The following EYS variants were observed in gnomAD, a reference collection of about 807,000 sequenced individuals.
EYS encodes the protein protein eyes shut homolog.
In EYS, 250 loss-of-function variants were observed where a neutral mutation model predicts 282.1. That is an observed-to-expected ratio of 0.89 (90% confidence interval 0.80 to 0.98). EYS has a LOEUF of 0.98. Among genes scored for constraint, EYS ranks in the 50% least tolerant of loss-of-function variants. EYS has a pLI of 0.00. For synonymous variants in EYS, 1,355 were observed against 1,282.9 expected (o/e 1.06, Z -1.20); for missense variants, 4,016 against 3,709.0 (o/e 1.08, Z -2.15).
At chr6:64,238,942 C>G (rs1218326587) in intron 30 of EYS, among the ~76,000 whole-genome samples, 1 of 152,084 alleles carries the variant, frequency 6.6e-6, no homozygotes, top group Non-Finnish European at 1.5e-5. Context: ...GTGATGTTCC[C>G]CTCCCTGTGT....
At chr6:63,867,741 A>G (rs905049954) in intron 35 of EYS, among the ~76,000 whole-genome samples, 1 of 152,206 alleles carries the variant, frequency 6.6e-6, no homozygotes. Flanking sequence ...GTGAACTGGC[A>G]CCAAAGGATT....
chr6:64,200,687 A>T (rs1765436501), intron 31 of EYS, among the ~76,000 whole-genome samples: 1 of 152,192 alleles, frequency 6.6e-6, no homozygotes, highest in Non-Finnish European at 1.5e-5. Flanking sequence ...ATCCTGATAA[A>T]GGCAATGGCT....
chr6:65,352,152 C>A (rs1764302391), intron 9 of EYS, among the ~76,000 whole-genome samples: 1 of 151,796 alleles, frequency 6.6e-6, no homozygotes, highest in Non-Finnish European at 1.5e-5. Context: ...AGGTTGTTAA[C>A]TCTACAGTAT....
intron 19 of EYS, among the ~76,000 whole-genome samples, chr6:64,841,464 G>T (rs1443112931): frequency 6.6e-6 from 1 of 152,060 alleles, no homozygotes; most frequent in Non-Finnish European, 1.5e-5. Flanking sequence ...ATCTTCTTGT[G>T]AATATCTCAG....
At chr6:64,669,024 T>C (rs9354020) in intron 22 of EYS, among the ~76,000 whole-genome samples, 6,460 of 152,148 alleles carry the variant, frequency 0.042, 321 homozygotes, top group African/African-American at 0.11. Flanking sequence ...CAATATTTCT[T>C]CTCTGAAGTA....
intron 26 of EYS, 74 bp downstream of exon 26, chr6:64,590,149 T>C (rs965968086): frequency 3.8e-6 from 5 of 1,330,364 alleles, no homozygotes; most frequent in Non-Finnish European, 5.1e-6. Context: ...CCGGTGACCA[T>C]GACAGGCTCT....
At chr6:64,038,503 T>G (rs1770229731) in intron 33 of EYS, among the ~76,000 whole-genome samples, 1 of 152,144 alleles carries the variant, frequency 6.6e-6, no homozygotes, top group Admixed American at 6.5e-5. Context: ...GCTGAGGTTT[T>G]GTCACTTTTA....
chr6:64,614,928 T>C (rs999108187), intron 24 of EYS, among the ~76,000 whole-genome samples: 1 of 152,138 alleles, frequency 6.6e-6, no homozygotes, highest in Non-Finnish European at 1.5e-5. Context: ...TCTGTGCTCT[T>C]AGGAATACTG....
chr6:65,007,332 T>C (rs748200989), intron 13 of EYS, among the ~76,000 whole-genome samples: 9 of 152,120 alleles, frequency 5.9e-5, no homozygotes, highest in Non-Finnish European at 1.0e-4. Flanking sequence ...CTAAGATGTA[T>C]TCTGGAGAAT....
At chr6:64,226,220 G>A (rs955790037) in intron 31 of EYS, among the ~76,000 whole-genome samples, 2 of 152,090 alleles carry the variant, frequency 1.3e-5, no homozygotes, top group Non-Finnish European at 2.9e-5. Context: ...TTATGGCAAA[G>A]CAAAGATATC....
intron 31 of EYS, among the ~76,000 whole-genome samples, chr6:64,185,063 T>C (rs1392108635): frequency 3.3e-5 from 5 of 152,194 alleles, no homozygotes; most frequent in East Asian, 3.9e-4. Context: ...ACTTCCACCA[T>C]GTGAGGTCAG....
intron 5 of EYS, among the ~76,000 whole-genome samples, chr6:65,421,201 T>C (rs1054291110): frequency 6.6e-6 from 1 of 151,872 alleles, no homozygotes; most frequent in African/African-American, 2.4e-5. Flanking sequence ...TTTTTTCACA[T>C]TGAAAATATG....
intron 36 of EYS, among the ~76,000 whole-genome samples, chr6:63,835,324 AT>A (rs1198131666): frequency 6.6e-6 from 1 of 151,262 alleles, no homozygotes; most frequent in Admixed American, 6.6e-5. Flanking sequence ...ATATATACAT[AT>A]ATACTCTCTC....
At position 65,222,785 on chromosome 6, in the gene EYS, G is replaced by C. The variant is rs73741274; in HGVS notation, c.2023+73078C>G. 4.8e-3 allele frequency among the ~76,000 whole-genome samples: 728 copies of C among 152,270 alleles called. 7 individuals are homozygous for C. Among genetic ancestry groups the C allele is most frequent in the African/African-American group, 0.017 (693 of 41,566 alleles). ...AGAGAAAAATCTGAATTAGATACAT[G>C]GGATAGCAGAGAAAAGTGGATTTGT... On this transcript the variant is annotated intron_variant, in intron 12 of 42. Transcript: ENST00000503581.
intron 33 of EYS, among the ~76,000 whole-genome samples, chr6:64,030,032 G>A (rs1346932835): frequency 5.3e-5 from 8 of 152,162 alleles, no homozygotes; most frequent in Non-Finnish European, 8.8e-5. Flanking sequence ...GGAAGAAGAG[G>A]GGAGAACAGC....
intron 2 of EYS, among the ~76,000 whole-genome samples, chr6:65,613,328 G>A (rs1766068203): frequency 6.6e-6 from 1 of 151,880 alleles, no homozygotes; most frequent in African/African-American, 2.4e-5. Flanking sequence ...GATAAGGTGA[G>A]AGACCTAGTT....
At chr6:64,664,492 G>C (rs1004206235) in intron 22 of EYS, among the ~76,000 whole-genome samples, 2 of 152,174 alleles carry the variant, frequency 1.3e-5, no homozygotes, top group African/African-American at 4.8e-5. Context: ...TGTCTGGAAA[G>C]AGGGGAAGTG....
rs192816855 is a variant in EYS at position 65,377,064 on chromosome 6, A to C, written c.1299+7322T>G. On this transcript the variant is annotated intron_variant, in intron 8 of 42. Transcript: ENST00000503581. ...AGAACTGTCCACATCAAATCAACAG[A>C]ATATACATTTTTATCAGCATCACAT... 6.5e-3 allele frequency among the ~76,000 whole-genome samples: 993 copies of C among 152,264 alleles called. 9 individuals are homozygous for C. Among genetic ancestry groups the C allele is most frequent in the South Asian group, 0.02 (98 of 4,822 alleles).
intron 2 of EYS, among the ~76,000 whole-genome samples, chr6:65,576,360 G>C (rs1354149610): frequency 1.3e-5 from 2 of 151,576 alleles, no homozygotes; most frequent in Non-Finnish European, 3.0e-5. Flanking sequence ...CATCAAATAA[G>C]TTTGAAAAAA....
Sources: gnomAD v4.1 joint callset for allele counts (sites outside exome capture counted in the v4.1 genomes callset) on GRCh38, gnomAD v4.1.1 for gene constraint, MANE v1.5 for transcripts, NCBI Gene and HGNC (gene_info 2026-07-23, HGNC 2026-07-21) for gene names.